MAP4: variants seen among roughly 807,000 people sequenced by gnomAD.
MAP4 encodes the protein microtubule associated protein 4, also known as microtubule-associated protein 4.
MAP4 carries 76 observed loss-of-function variants against 170.2 expected under a neutral mutation model. The observed-to-expected ratio is 0.45, with a 90% CI of 0.37 to 0.54. The LOEUF (loss-of-function observed/expected upper bound fraction) is 0.54. MAP4 is among the 20% of genes least tolerant of loss of function. MAP4 has a pLI of 0.00. For missense variants in MAP4, 2,506 were observed against 2,748.0 expected (o/e 0.91, Z 1.97); for synonymous variants, 909 against 994.5 (o/e 0.91, Z 1.62).
chr3:47,952,638 G>GA (rs1171114503), intron 3 of MAP4, among the ~76,000 whole-genome samples: 1 of 146,040 alleles, frequency 6.8e-6, no homozygotes, highest in African/African-American at 2.5e-5. Flanking sequence ...GGGTTAAATG[G>GA]AAAAAATAAA....
intron 10 of MAP4, among the ~76,000 whole-genome samples, chr3:47,902,708 G>A (rs2100030792): frequency 1.4e-5 from 2 of 144,060 alleles, no homozygotes; most frequent in South Asian, 4.6e-4. Flanking sequence ...AAAGAAGCCA[G>A]TTGAATCAGA....
intron 1 of MAP4, among the ~76,000 whole-genome samples, chr3:48,029,251 G>A (rs938267980): frequency 3.3e-5 from 5 of 151,860 alleles, no homozygotes; most frequent in Admixed American, 3.3e-4. Context: ...CAGCCTGGCC[G>A]ACATGGTAAA....
In MAP4 at chr3:47,892,720, G is replaced by A. The variant is rs1166000951; in HGVS notation, c.5434+10230C>T. On this transcript the variant is annotated intron_variant, in intron 10 of 20. Transcript: ENST00000683076. The stretch of plus-strand genomic sequence containing the variant: ...GAAAGCGAAAGAAAGGAAGGAACCT[G>A]CTGCTTTCTGCACAACAAAATGCTA... 3.0e-6 allele frequency: 4 copies of A among 1,347,652 alleles called. No homozygotes were observed. The East Asian group carries it at 1.2e-4, about 39-fold the overall frequency. 83.5% of individuals were successfully genotyped at this position (1,347,652 alleles called of 1,614,324 possible).
At chr3:47,903,490 G>A (rs531449573) in intron 9 of MAP4, among the ~76,000 whole-genome samples, 2 of 146,508 alleles carry the variant, frequency 1.4e-5, no homozygotes, top group Admixed American at 7.0e-5. Context: ...CCGAGATCGC[G>A]CCACTGCACT....
At chr3:48,035,115 CATT>C (rs2100118113) in intron 1 of MAP4, among the ~76,000 whole-genome samples, 2 of 143,674 alleles carry the variant, frequency 1.4e-5, no homozygotes, top group African/African-American at 5.1e-5. Flanking sequence ...AGAAAAAAAT[CATT>C]ATTTTAACAA....
At chr3:47,937,333 A>T (rs2100053573) in intron 3 of MAP4, among the ~76,000 whole-genome samples, 1 of 152,232 alleles carries the variant, frequency 6.6e-6, no homozygotes, top group Admixed American at 6.5e-5. Flanking sequence ...ATTAAAGAAC[A>T]AACCACAGCA....
chr3:47,930,963 A>G (rs1401809582), intron 3 of MAP4, among the ~76,000 whole-genome samples: 1 of 152,116 alleles, frequency 6.6e-6, no homozygotes, highest in Admixed American at 6.6e-5. Context: ...AAATATTTCA[A>G]TAGACATTTT....
At chr3:48,044,484 G>A (rs1300178163) in intron 1 of MAP4, among the ~76,000 whole-genome samples, 1 of 151,628 alleles carries the variant, frequency 6.6e-6, no homozygotes, top group Non-Finnish European at 1.5e-5. Context: ...AAAATTTTGG[G>A]CCAGGCACAG....
chr3:47,987,563 C>A (rs541721900), intron 2 of MAP4: 6 of 529,178 alleles, frequency 1.1e-5, no homozygotes, highest in African/African-American at 1.1e-4. Context: ...CCAGAACCGT[C>A]CTCCAAACTC....
At chr3:47,903,891 A>G (rs921565097) in intron 9 of MAP4, among the ~76,000 whole-genome samples, 1 of 152,236 alleles carries the variant, frequency 6.6e-6, no homozygotes, top group Non-Finnish European at 1.5e-5. Flanking sequence ...ATAAAATGCT[A>G]GACAGAGTCA....
intron 1 of MAP4, among the ~76,000 whole-genome samples, chr3:48,081,915 G>C (rs1308791160): frequency 2.0e-5 from 3 of 152,158 alleles, no homozygotes; most frequent in Non-Finnish European, 1.5e-5. Context: ...AGTACAAGAT[G>C]AGACTGGGGC....
chr3:47,957,328 C>T (rs768106918), intron 3 of MAP4, among the ~76,000 whole-genome samples: 6 of 151,476 alleles, frequency 4.0e-5, no homozygotes, highest in Admixed American at 6.6e-5. Flanking sequence ...CCACCATGCC[C>T]GGCTAATTTT....
intron 1 of MAP4, among the ~76,000 whole-genome samples, chr3:48,029,045 C>T (rs906519096): frequency 6.6e-5 from 10 of 151,948 alleles, no homozygotes; most frequent in Admixed American, 5.3e-4. Context: ...ACTTGGGAGG[C>T]TGAGGTGTGA....
intron 10 of MAP4, among the ~76,000 whole-genome samples, chr3:47,890,272 T>A (rs1254116676): frequency 6.6e-6 from 1 of 152,076 alleles, no homozygotes; most frequent in Non-Finnish European, 1.5e-5. Flanking sequence ...CACAAAAGGC[T>A]GTCACAAAGA....
Position 47,885,814 on chromosome 3 carries a change from C to T in MAP4, c.5435-8291G>A, listed in dbSNP as rs746228153. On this transcript the variant is annotated intron_variant, in intron 10 of 20. Coordinates refer to ENST00000683076, the MANE Select transcript of MAP4 (RefSeq NM_001385682.1). The stretch of plus-strand genomic sequence containing the variant: ...CGCCATCTCGGCTCACTGCAAGCTC[C>T]GCCTCCTGGGTTCATGCCATTCTCC... Among the ~76,000 whole-genome samples, 13 of 151,608 alleles carry T rather than the reference C, an allele frequency of 8.6e-5. No individual in the cohort carries two copies. The East Asian group carries it at 1.7e-3, about 20-fold the overall frequency.
At chr3:47,959,315 G>A (rs910398086) in intron 3 of MAP4, among the ~76,000 whole-genome samples, 68 of 151,846 alleles carry the variant, frequency 4.5e-4, no homozygotes, top group Middle Eastern at 3.2e-3. Flanking sequence ...AAAATCAGCC[G>A]AGCGTGGTAG....
At chr3:47,921,372 T>A (rs1011937235) in intron 5 of MAP4, among the ~76,000 whole-genome samples, 3 of 152,186 alleles carry the variant, frequency 2.0e-5, no homozygotes, top group African/African-American at 7.2e-5. Context: ...AGGACTTTTT[T>A]AAGCTGAAGG....
chr3:47,964,586 G>C (rs1002381641), intron 3 of MAP4, among the ~76,000 whole-genome samples: 1 of 152,168 alleles, frequency 6.6e-6, no homozygotes, highest in Non-Finnish European at 1.5e-5. Context: ...TCCAAATGGA[G>C]ATTTCAAGCT....
chr3:48,076,431 G>C (rs1412294309), intron 1 of MAP4, among the ~76,000 whole-genome samples: 1 of 151,828 alleles, frequency 6.6e-6, no homozygotes, highest in Non-Finnish European at 1.5e-5. Flanking sequence ...GAACCCGGGA[G>C]GTGGAGCTTA....
Sources: gnomAD v4.1 joint callset for allele counts (sites outside exome capture counted in the v4.1 genomes callset) on GRCh38, gnomAD v4.1.1 for gene constraint, MANE v1.5 for transcripts, NCBI Gene and HGNC (gene_info 2026-07-23, HGNC 2026-07-21) for gene names.